The following NSMCE2 variants were observed in gnomAD, a reference collection of about 807,000 sequenced individuals.
The protein encoded by NSMCE2 is NSE2 SUMO ligase component of SMC5/6 complex.
A neutral mutation model predicts 23.8 loss-of-function variants in NSMCE2; 24 were observed. That is an observed-to-expected ratio of 1.01 (90% CI 0.73 to 1.42). NSMCE2 has a LOEUF of 1.42. Ranked by LOEUF, NSMCE2 falls within the 40% of genes most tolerant of loss-of-function variation. The pLI, the probability that NSMCE2 is intolerant of heterozygous loss-of-function variation, is 0.00. For synonymous variants in NSMCE2, 92 were observed against 94.1 expected, an observed-to-expected ratio of 0.98 and a Z score of 0.13; for missense variants, 284 against 296.5, an observed-to-expected ratio of 0.96 and a Z score of 0.31.
chr8:125,225,384 A>G (rs1332618089), intron 5 of NSMCE2, among the ~76,000 whole-genome samples: 4 of 152,160 alleles, frequency 2.6e-5, no homozygotes, highest in Non-Finnish European at 5.9e-5. Context: ...CAAACCCAAC[A>G]GTTCTTTTTT....
intron 4 of NSMCE2, among the ~76,000 whole-genome samples, chr8:125,160,094 A>G (rs1821528364): frequency 6.6e-6 from 1 of 152,192 alleles, no homozygotes; most frequent in Non-Finnish European, 1.5e-5. Flanking sequence ...GAGACAATAA[A>G]AACGTGCATA....
chr8:125,092,941 G>T (rs1403387807), intron 1 of NSMCE2, among the ~76,000 whole-genome samples: 3 of 152,170 alleles, frequency 2.0e-5, no homozygotes, highest in Non-Finnish European at 4.4e-5. Context: ...ATGCTTAAGA[G>T]CATCCCTGGC....
intron 5 of NSMCE2, among the ~76,000 whole-genome samples, chr8:125,221,546 A>T (rs1355767978): frequency 1.3e-5 from 2 of 152,226 alleles, no homozygotes; most frequent in Admixed American, 1.3e-4. Context: ...GCCCAGCCAG[A>T]TGTGTCTTAT....
chr8:125,272,701 T>G (rs969900587), intron 5 of NSMCE2, among the ~76,000 whole-genome samples: 1 of 123,202 alleles, frequency 8.1e-6, no homozygotes, highest in Non-Finnish European at 1.7e-5. Context: ...CTACTTGGGA[T>G]ATATATATAT....
chr8:125,345,712 T>C (rs1178619648), intron 5 of NSMCE2, among the ~76,000 whole-genome samples: 1 of 152,206 alleles, frequency 6.6e-6, no homozygotes, highest in Non-Finnish European at 1.5e-5. Context: ...GGTGAAGAGA[T>C]AGCAGCAGAA....
intron 5 of NSMCE2, among the ~76,000 whole-genome samples, chr8:125,204,530 T>G (rs1179233603): frequency 6.6e-6 from 1 of 152,214 alleles, no homozygotes; most frequent in African/African-American, 2.4e-5. Context: ...AGCATTAATT[T>G]TTCCCCGTAC....
At chr8:125,186,368 T>C (rs969922871) in intron 5 of NSMCE2, among the ~76,000 whole-genome samples, 2 of 152,220 alleles carry the variant, frequency 1.3e-5, no homozygotes, top group African/African-American at 4.8e-5. Context: ...TGATCTAAAT[T>C]ATATTCAGAA....
intron 5 of NSMCE2, among the ~76,000 whole-genome samples, chr8:125,229,803 AATG>A (rs1367670132): frequency 3.3e-5 from 5 of 152,270 alleles, no homozygotes; most frequent in African/African-American, 1.2e-4. Flanking sequence ...ATAGATGATA[AATG>A]ATGACTTATC....
chr8:125,184,817 G>T (rs931928040), intron 5 of NSMCE2, among the ~76,000 whole-genome samples: 3 of 152,104 alleles, frequency 2.0e-5, no homozygotes, highest in African/African-American at 7.2e-5. Context: ...GTGTAGCCAG[G>T]TCAAAGGTAC....
At chr8:125,281,630 G>A (rs1032235906) in intron 5 of NSMCE2, among the ~76,000 whole-genome samples, 5 of 151,984 alleles carry the variant, frequency 3.3e-5, no homozygotes, top group African/African-American at 4.8e-5. Flanking sequence ...AGTAGAGCAG[G>A]TATTTTGCCA....
At chr8:125,362,269 C>G (rs1813594181) in intron 7 of NSMCE2, among the ~76,000 whole-genome samples, 1 of 152,224 alleles carries the variant, frequency 6.6e-6, no homozygotes, top group Non-Finnish European at 1.5e-5. Flanking sequence ...AGCACTGTGG[C>G]ATGATGGCCT....
At chr8:125,294,135 T>C (rs1828231621) in intron 5 of NSMCE2, among the ~76,000 whole-genome samples, 1 of 152,236 alleles carries the variant, frequency 6.6e-6, no homozygotes, top group African/African-American at 2.4e-5. Flanking sequence ...CATGTATCAC[T>C]ATTTCATTCC....
intron 5 of NSMCE2, among the ~76,000 whole-genome samples, chr8:125,248,332 A>T (rs1453710017): frequency 1.3e-5 from 2 of 152,240 alleles, no homozygotes; most frequent in African/African-American, 4.8e-5. Flanking sequence ...AGCATTCAGC[A>T]AAGCATAACA....
intron 1 of NSMCE2, among the ~76,000 whole-genome samples, chr8:125,100,623 A>G (rs1224986867): frequency 6.6e-6 from 1 of 151,682 alleles, no homozygotes; most frequent in Non-Finnish European, 1.5e-5. Context: ...GTGCAGTGGC[A>G]TGATCTTGGC....
intron 5 of NSMCE2, among the ~76,000 whole-genome samples, chr8:125,228,041 T>G (rs1825175055): frequency 6.6e-6 from 1 of 152,226 alleles, no homozygotes; most frequent in Admixed American, 6.5e-5. Context: ...GCAGTTGATA[T>G]TGTCAATTTT....
rs1826175607 is a variant in NSMCE2, at chr8:125,250,900, G to T, written c.418+68644G>T. On this transcript the variant is annotated intron_variant, in intron 5 of 7. Coordinates refer to ENST00000287437, the MANE Select transcript of NSMCE2 (RefSeq NM_173685.4). ...TATGTTGACAGTTGATAATAATGTT[G>T]ATTATAACATTAGTATTAACCTACA... Among the ~76,000 whole-genome samples the T allele has an allele frequency of 2.0e-5, 3 of 152,240 alleles. No individual in the cohort carries two copies. In the South Asian group the frequency reaches 6.2e-4, roughly 32 times the overall value.
At chr8:125,273,770 C>T (rs138126365) in intron 5 of NSMCE2, among the ~76,000 whole-genome samples, 2 of 152,316 alleles carry the variant, frequency 1.3e-5, no homozygotes, top group East Asian at 3.9e-4. Context: ...CTGTTCCTCA[C>T]TCATATTGCA....
At chr8:125,262,979 A>G (rs545624829) in intron 5 of NSMCE2, among the ~76,000 whole-genome samples, 3 of 152,262 alleles carry the variant, frequency 2.0e-5, no homozygotes, top group Admixed American at 2.0e-4. Flanking sequence ...AACTAGATCT[A>G]TATGTTTATG....
chr8:125,192,798 T>C (rs1324315230), intron 5 of NSMCE2, among the ~76,000 whole-genome samples: 4 of 152,222 alleles, frequency 2.6e-5, no homozygotes, highest in African/African-American at 4.8e-5. Context: ...CTGGATCTCA[T>C]GTCCTCACAT....
Sources: allele counts gnomAD v4.1 joint callset (sites outside exome capture counted in the v4.1 genomes callset), GRCh38; gene constraint gnomAD v4.1.1; transcripts MANE v1.5; gene names NCBI Gene and HGNC (gene_info 2026-07-23, HGNC 2026-07-21).